The following TENT5D variants were observed in gnomAD, a reference collection of about 807,000 sequenced individuals.
The protein encoded by TENT5D is terminal nucleotidyltransferase 5D.
For missense variants in TENT5D, 191 were observed against 287.0 expected (o/e 0.67, Z 2.42); for synonymous variants, 103 against 100.6 (o/e 1.02, Z -0.15).
At chrX:80,426,052 A>C in intron 1 of TENT5D, among the ~76,000 whole-genome samples, 1 of 110,361 alleles carries the variant, frequency 9.1e-6, no homozygotes, top group African/African-American at 3.3e-5. Context: ...TAATAATAAT[A>C]TTTACTGAAA....
chrX:80,379,448 T>C (rs1290496230), intron 3 of TENT5D, among the ~76,000 whole-genome samples: 2 of 111,220 alleles, frequency 1.8e-5, no homozygotes, highest in Non-Finnish European at 3.8e-5. Flanking sequence ...GGTATCAGGA[T>C]GATGCTGGCC....
chrX:80,396,276 T>A (rs1931238314), intron 3 of TENT5D, among the ~76,000 whole-genome samples: 1 of 111,412 alleles, frequency 9.0e-6, no homozygotes, highest in Admixed American at 9.5e-5. Flanking sequence ...ATACTGTTTT[T>A]CTTTTTTTTT....
intron 3 of TENT5D, among the ~76,000 whole-genome samples, chrX:80,386,175 A>G (rs1333256960): frequency 8.9e-6 from 1 of 112,336 alleles, no homozygotes; most frequent in Non-Finnish European, 1.9e-5. Context: ...AACCAACCCA[A>G]ATGTCCATCA....
chrX:80,388,227 A>G (rs934120012), intron 3 of TENT5D, among the ~76,000 whole-genome samples: 1 of 110,936 alleles, frequency 9.0e-6, no homozygotes, highest in Non-Finnish European at 1.9e-5. Flanking sequence ...CTCTCCCACC[A>G]AGCTGTGGCC....
exon 3 of TENT5D, chrX:80,445,008 T>C (rs1268699537): frequency 8.2e-6 from 1 of 122,424 alleles, no homozygotes; most frequent in Non-Finnish European, 1.9e-5. Context: ...TGAGTTTCCA[T>C]TTCAGTTTTT....
At chrX:80,435,772 T>A (rs1040300264) in intron 1 of TENT5D, among the ~76,000 whole-genome samples, 1 of 112,572 alleles carries the variant, frequency 8.9e-6, no homozygotes, top group East Asian at 2.8e-4. Context: ...GCATCTACAG[T>A]TGGACTCTAA....
At chrX:80,427,227 T>C (rs1178670075) in intron 1 of TENT5D, among the ~76,000 whole-genome samples, 1 of 109,785 alleles carries the variant, frequency 9.1e-6, no homozygotes, top group Admixed American at 1.0e-4. Flanking sequence ...GGTAAGTTGT[T>C]ATAATTATAT....
chrX:80,409,145 C>G (rs927095747), intron 3 of TENT5D, among the ~76,000 whole-genome samples: 2 of 109,680 alleles, frequency 1.8e-5, no homozygotes, highest in Non-Finnish European at 3.8e-5. Context: ...CAATATCATA[C>G]TGAATGGGCA....
At chrX:80,366,773 A>C (rs1306488040) in intron 3 of TENT5D, among the ~76,000 whole-genome samples, 1 of 111,620 alleles carries the variant, frequency 9.0e-6, no homozygotes, top group Non-Finnish European at 1.9e-5. Context: ...TCATGATAAC[A>C]GTTTATGAAT....
intron 1 of TENT5D, among the ~76,000 whole-genome samples, chrX:80,434,785 T>TG (rs967512814): frequency 3.8e-5 from 3 of 78,312 alleles, no homozygotes; most frequent in African/African-American, 1.7e-4. Flanking sequence ...TTTTTCTTTG[T>TG]TTTTTTTTTT....
intron 3 of TENT5D, among the ~76,000 whole-genome samples, chrX:80,396,419 G>A (rs952752429): frequency 6.4e-5 from 7 of 110,078 alleles, no homozygotes; most frequent in South Asian, 3.9e-4. Context: ...AGGACCCTGC[G>A]GCCTTCCACA....
intron 1 of TENT5D, among the ~76,000 whole-genome samples, chrX:80,424,617 A>C (rs1931954056): frequency 8.9e-6 from 1 of 112,463 alleles, no homozygotes; most frequent in Non-Finnish European, 1.9e-5. Flanking sequence ...ACAACTACTG[A>C]GACTAGAAAT....
chrX:80,401,585 C>A (rs1931390767), intron 3 of TENT5D, among the ~76,000 whole-genome samples: 1 of 111,529 alleles, frequency 9.0e-6, no homozygotes, highest in Non-Finnish European at 1.9e-5. Context: ...TACATTCTTT[C>A]TATACCTAAT....
intron 2 of TENT5D, among the ~76,000 whole-genome samples, chrX:80,339,440 C>A (rs1312214866): frequency 9.0e-6 from 1 of 111,298 alleles, no homozygotes; most frequent in Non-Finnish European, 1.9e-5. Context: ...GTACACTTTG[C>A]TGGTTTCATA....
chrX:80,397,714 G>A (rs1931307828), intron 3 of TENT5D, among the ~76,000 whole-genome samples: 1 of 112,803 alleles, frequency 8.9e-6, no homozygotes, highest in African/African-American at 3.2e-5. Flanking sequence ...ATCACTCGCG[G>A]TTAGGAGCTG....
rs1416953812 is a variant in TENT5D, at chrX:80,426,532, CTTG to C, written c.-142+5974_-142+5976del. ...TTACAAATTTTACTGAAAAGAAAAC[CTTG>C]TTGTGCTTTTATTTTAATGCTTAAC... On this transcript the variant is annotated intron_variant, in intron 1 of 2. Transcript: ENST00000308293. Among the ~76,000 whole-genome samples the C allele has an allele frequency of 3.1e-4, 35 of 111,206 alleles. 1 individual carries two copies. The highest frequency in any genetic ancestry group is 9.6e-5 in the Admixed American group (1 of 10,459).
chrX:80,386,015 C>T (rs1474971216), intron 3 of TENT5D, among the ~76,000 whole-genome samples: 2 of 112,165 alleles, frequency 1.8e-5, no homozygotes, highest in African/African-American at 6.5e-5. Flanking sequence ...GTCAGTGTGG[C>T]AATTCCTCAG....
At chrX:80,416,318 A>G (rs1470177333), upstream of TENT5D, among the ~76,000 whole-genome samples, 1 of 51,630 alleles carries the variant, frequency 1.9e-5, no homozygotes, top group African/African-American at 8.2e-5. Flanking sequence ...TGATTATGGT[A>G]TTATCTTCTG....
rs1457250162 is a variant in TENT5D at position 80,409,330 on chromosome X, G to C, written c.-141-29280G>C. 4.5e-5 allele frequency among the ~76,000 whole-genome samples: 5 copies of C among 110,619 alleles called. No individual in the cohort carries two copies. The East Asian group carries it at 1.4e-3, about 31-fold the overall frequency. ...AATTGTCCCTGTTTGCAGACGACAT[G>C]ATTGTATATCTAGAAAACCCCATTG... On this transcript the variant is annotated intron_variant, in intron 3 of 4. Coordinates refer to the TENT5D transcript ENST00000538312.
Sources: gnomAD v4.1 joint callset for allele counts (sites outside exome capture counted in the v4.1 genomes callset) on GRCh38, gnomAD v4.1.1 for gene constraint, MANE v1.5 for transcripts, NCBI Gene and HGNC (gene_info 2026-07-23, HGNC 2026-07-21) for gene names.